Variants in ARHGAP15 observed in about 807,000 individuals in gnomAD.
ARHGAP15 encodes the protein Rho GTPase activating protein 15.
ARHGAP15 carries 51 observed loss-of-function variants against 63.7 expected under a neutral mutation model. That is an observed-to-expected ratio of 0.80 (90% confidence interval 0.64 to 1.01). The LOEUF is 1.01. Ranked by LOEUF, ARHGAP15 falls within the 50% of genes least tolerant of loss-of-function variation. ARHGAP15 has a pLI of 0.00. For synonymous variants in ARHGAP15, 191 were observed against 193.8 expected (o/e 0.99, Z 0.12); for missense variants, 560 against 564.6 (o/e 0.99, Z 0.08).
At chr2:143,438,977 A>C (rs1297027696) in intron 8 of ARHGAP15, among the ~76,000 whole-genome samples, 1 of 152,216 alleles carries the variant, frequency 6.6e-6, no homozygotes, top group Non-Finnish European at 1.5e-5. Flanking sequence ...GAGGATAATG[A>C]ATTCTCTATT....
chr2:143,663,892 G>A (rs1681987774), intron 12 of ARHGAP15, among the ~76,000 whole-genome samples: 1 of 152,068 alleles, frequency 6.6e-6, no homozygotes, highest in Non-Finnish European at 1.5e-5. Context: ...CCCAATACAG[G>A]AGCACCCAGA....
intron 6 of ARHGAP15, among the ~76,000 whole-genome samples, chr2:143,392,885 A>G (rs1326883161): frequency 6.6e-6 from 1 of 152,124 alleles, no homozygotes; most frequent in East Asian, 1.9e-4. Flanking sequence ...AAACTAACTC[A>G]TTGTAGATGT....
intron 6 of ARHGAP15, among the ~76,000 whole-genome samples, chr2:143,301,767 A>G (rs2105154421): frequency 6.6e-6 from 1 of 151,728 alleles, no homozygotes; most frequent in East Asian, 1.9e-4. Flanking sequence ...TATGTATAAT[A>G]CATACATGGA....
At chr2:143,753,056 G>A (rs983363950) in intron 13 of ARHGAP15, among the ~76,000 whole-genome samples, 2 of 152,350 alleles carry the variant, frequency 1.3e-5, no homozygotes, top group Middle Eastern at 3.4e-3. Flanking sequence ...GAGGCGGGAA[G>A]ATCGCTTGAC....
intron 6 of ARHGAP15, among the ~76,000 whole-genome samples, chr2:143,388,973 A>T (rs1323667248): frequency 6.6e-6 from 1 of 151,850 alleles, no homozygotes; most frequent in Non-Finnish European, 1.5e-5. Flanking sequence ...GTAAACTAGT[A>T]GTTTAGATAG....
intron 1 of ARHGAP15, among the ~76,000 whole-genome samples, chr2:143,147,433 A>G (rs1689635003): frequency 6.6e-6 from 1 of 152,060 alleles, no homozygotes; most frequent in African/African-American, 2.4e-5. Flanking sequence ...AGAAGATTGC[A>G]TTACTTATGC....
rs1225902984 is a variant in ARHGAP15, at chr2:143,487,570, A to G, written c.826+75A>G. On this transcript the variant is annotated intron_variant, in intron 9 of 13. Transcript: ENST00000295095. Reference sequence around the variant, plus strand: ...TCTGTGTTCATAGCTAATCAGCTCTAAAGGAATATTAGAATATTTTATTCT... The same window carrying G: ...TCTGTGTTCATAGCTAATCAGCTCTGAAGGAATATTAGAATATTTTATTCT... 6.9e-6 allele frequency: 10 copies of G among 1,446,706 alleles called. No individual in the cohort carries two copies. In the East Asian group the frequency reaches 2.2e-4, roughly 31 times the overall value. 89.6% of individuals were successfully genotyped at this position (1,446,706 alleles called of 1,614,324 possible).
intron 6 of ARHGAP15, among the ~76,000 whole-genome samples, chr2:143,413,971 G>GCGTGCGCGCGCGCGCA (rs147891307): frequency 6.8e-6 from 1 of 147,640 alleles, no homozygotes; most frequent in East Asian, 2.0e-4. Context: ...GTGTGTGCGC[G>GCGTGCGCGCGCGCGCA]CTCTCTGGCA....
intron 6 of ARHGAP15, among the ~76,000 whole-genome samples, chr2:143,273,091 T>C (rs527923930): frequency 6.6e-6 from 1 of 152,288 alleles, no homozygotes; most frequent in African/African-American, 2.4e-5. Context: ...TAAGATTAGA[T>C]TAGTTTAAAT....
At chr2:143,574,863 A>G (rs1029103541) in intron 11 of ARHGAP15, among the ~76,000 whole-genome samples, 15 of 152,032 alleles carry the variant, frequency 9.9e-5, no homozygotes, top group African/African-American at 3.4e-4. Context: ...TGCAGTGTAA[A>G]CCTCTTTGCC....
intron 5 of ARHGAP15, chr2:143,236,924 A>C (rs1260170912): frequency 6.6e-6 from 1 of 152,104 alleles, no homozygotes; most frequent in Non-Finnish European, 1.5e-5. Flanking sequence ...TTCTTCTCTA[A>C]GTTGCCTGGG....
At chr2:143,564,435 G>T (rs879823482) in intron 11 of ARHGAP15, among the ~76,000 whole-genome samples, 2 of 152,130 alleles carry the variant, frequency 1.3e-5, no homozygotes, top group African/African-American at 2.4e-5. Flanking sequence ...TATTTTTGAA[G>T]CTCATTCATT....
At chr2:143,233,791 C>T (rs182673350) in intron 5 of ARHGAP15, among the ~76,000 whole-genome samples, 8 of 151,838 alleles carry the variant, frequency 5.3e-5, no homozygotes, top group African/African-American at 9.7e-5. Context: ...ATTACAGACA[C>T]GCACCACCAA....
At chr2:143,563,705 T>G (rs915522955) in intron 11 of ARHGAP15, among the ~76,000 whole-genome samples, 22 of 152,298 alleles carry the variant, frequency 1.4e-4, no homozygotes, top group African/African-American at 5.1e-4. Flanking sequence ...TCCATCATGA[T>G]CATCACCATC....
intron 6 of ARHGAP15, among the ~76,000 whole-genome samples, chr2:143,324,257 A>AT (rs901017120): frequency 5.3e-5 from 8 of 152,048 alleles, no homozygotes; most frequent in African/African-American, 9.6e-5. Context: ...TAAGGTTAAT[A>AT]TTTTTTTTAC....
chr2:143,379,493 G>A (rs201807264), intron 6 of ARHGAP15, among the ~76,000 whole-genome samples: 51,121 of 132,216 alleles, frequency 0.39, 8,990 homozygotes, highest in East Asian at 0.42. Context: ...ATATATGTGT[G>A]TGTGTGTGTG....
chr2:143,430,994 T>C (rs1286156732), intron 6 of ARHGAP15, among the ~76,000 whole-genome samples: 1 of 152,086 alleles, frequency 6.6e-6, no homozygotes, highest in East Asian at 1.9e-4. Flanking sequence ...TTTAGTCCTT[T>C]CTAGGATTTG....
Position 143,170,047 on chromosome 2 carries a change from C to T in ARHGAP15, c.165+14392C>T, listed in dbSNP as rs546311912. Among the ~76,000 whole-genome samples, 28 of 150,532 alleles carry T rather than the reference C, an allele frequency of 1.9e-4. 1 individual carries two copies. In the South Asian group the frequency reaches 2.3e-3, roughly 12 times the overall value. On this transcript the variant is annotated intron_variant, in intron 2 of 13. Transcript: ENST00000295095. ...TTTGTCAGGCCTGGCTCTGTACCTT[C>T]GAGCTGCTCTGTGTGCCTCACTCTG...
At chr2:143,722,132 ACTT>A (rs1468946043) in intron 13 of ARHGAP15, among the ~76,000 whole-genome samples, 2 of 151,974 alleles carry the variant, frequency 1.3e-5, no homozygotes, top group African/African-American at 4.8e-5. Flanking sequence ...GTATTTTGTG[ACTT>A]CTTAATGACA....
Sources: allele counts gnomAD v4.1 joint callset (sites outside exome capture counted in the v4.1 genomes callset), GRCh38; gene constraint gnomAD v4.1.1; transcripts MANE v1.5; gene names NCBI Gene and HGNC (gene_info 2026-07-23, HGNC 2026-07-21).